The following SORCS3 variants were observed in gnomAD, a reference collection of about 807,000 sequenced individuals.
SORCS3 encodes sortilin related VPS10 domain containing receptor 3, also known as VPS10 domain-containing receptor SorCS3.
Under a neutral mutation model 146.3 loss-of-function variants are expected in SORCS3, and 57 were observed. That is an observed-to-expected ratio of 0.39 (90% CI 0.31 to 0.49). The LOEUF is 0.49. Ranked by LOEUF, SORCS3 falls within the 20% of genes least tolerant of loss-of-function variation. SORCS3 has a pLI of 0.92. For missense variants in SORCS3, 1,341 were observed against 1,575.5 expected (o/e 0.85, Z 2.52); for synonymous variants, 653 against 618.5 (o/e 1.06, Z -0.83).
chr10:104,859,295 C>T (rs1191281407), intron 2 of SORCS3, among the ~76,000 whole-genome samples: 4 of 152,038 alleles, frequency 2.6e-5, no homozygotes, highest in Non-Finnish European at 5.9e-5. Context: ...TTTGACAAAC[C>T]TGAGAAAAAC....
At chr10:105,242,556 A>G (rs2056835853) in intron 20 of SORCS3, among the ~76,000 whole-genome samples, 1 of 83,378 alleles carries the variant, frequency 1.2e-5, no homozygotes, top group African/African-American at 5.3e-5. Flanking sequence ...ATATTTATAT[A>G]CATTTATATA....
intron 4 of SORCS3, among the ~76,000 whole-genome samples, chr10:104,982,244 G>A (rs1338400535): frequency 1.3e-5 from 2 of 151,564 alleles, no homozygotes; most frequent in African/African-American, 2.4e-5. Flanking sequence ...AACTGGGGCA[G>A]GTGCTGGAGT....
intron 2 of SORCS3, among the ~76,000 whole-genome samples, chr10:104,904,470 T>A (rs2018882761): frequency 6.6e-6 from 1 of 151,508 alleles, no homozygotes; most frequent in African/African-American, 2.4e-5. Context: ...ATACAAATAT[T>A]TATGTCTGAC....
At chr10:105,004,647 G>A (rs1035457980) in intron 4 of SORCS3, among the ~76,000 whole-genome samples, 1 of 152,128 alleles carries the variant, frequency 6.6e-6, no homozygotes, top group African/African-American at 2.4e-5. Context: ...AAAACGCAAG[G>A]AAGCCAGGTG....
chr10:104,841,407 A>G (rs1486107863), intron 1 of SORCS3, among the ~76,000 whole-genome samples: 4 of 152,186 alleles, frequency 2.6e-5, no homozygotes, highest in African/African-American at 9.6e-5. Flanking sequence ...GGTAAATTCT[A>G]CTATTCTACA....
intron 1 of SORCS3, among the ~76,000 whole-genome samples, chr10:104,776,761 C>A (rs1284790999): frequency 1.3e-5 from 2 of 151,394 alleles, no homozygotes; most frequent in Non-Finnish European, 1.5e-5. Flanking sequence ...TCATCCTTCT[C>A]CAAGAACCTG....
At chr10:105,166,661 G>A (rs531391886) in intron 12 of SORCS3, among the ~76,000 whole-genome samples, 8 of 152,160 alleles carry the variant, frequency 5.3e-5, no homozygotes, top group South Asian at 4.2e-4. Context: ...AATGAATAAC[G>A]TTAGGTCCCT....
At chr10:104,953,443 G>T (rs1365530336) in intron 3 of SORCS3, among the ~76,000 whole-genome samples, 1 of 152,162 alleles carries the variant, frequency 6.6e-6, no homozygotes, top group Non-Finnish European at 1.5e-5. Flanking sequence ...TGGAGTGCTT[G>T]TTAAAAGGTA....
chr10:105,225,194 C>G (rs931063923), intron 20 of SORCS3, among the ~76,000 whole-genome samples: 1 of 151,906 alleles, frequency 6.6e-6, no homozygotes, highest in African/African-American at 2.4e-5. Context: ...ATGTTGTCTT[C>G]TAGGAGTTTT....
chr10:104,914,093 T>G (rs1004224243), intron 2 of SORCS3, among the ~76,000 whole-genome samples: 2 of 152,164 alleles, frequency 1.3e-5, no homozygotes, highest in African/African-American at 4.8e-5. Context: ...ATAAGGAACC[T>G]GAGGCTCCAG....
chr10:105,133,319 C>A (rs2056035223), intron 7 of SORCS3, among the ~76,000 whole-genome samples: 1 of 152,122 alleles, frequency 6.6e-6, no homozygotes, highest in Non-Finnish European at 1.5e-5. Flanking sequence ...AGATTAATTC[C>A]AACAATCTGT....
At chr10:104,725,396 GC>G (rs2016613974) in intron 1 of SORCS3, among the ~76,000 whole-genome samples, 1 of 152,214 alleles carries the variant, frequency 6.6e-6, no homozygotes, top group South Asian at 2.1e-4. Flanking sequence ...ACTGGGGGTT[GC>G]CTCCCAGTTA....
intron 1 of SORCS3, among the ~76,000 whole-genome samples, chr10:104,800,680 T>C (rs1265207299): frequency 1.3e-5 from 2 of 152,170 alleles, no homozygotes; most frequent in Non-Finnish European, 2.9e-5. Flanking sequence ...AAAATAGTAA[T>C]AAAAATTCAG....
chr10:104,641,780 C>A lies in SORCS3; in HGVS notation c.453C>A (p.Ala151=). ...ERGDAWATAP[A]DGSRGSRPLA... Reference sequence around the variant, plus strand: ...GGGACGCCTGGGCCACTGCTCCGGCCGATGGTTCCAGAGGAAGCCGTCCCC... The same window carrying A: ...GGGACGCCTGGGCCACTGCTCCGGCAGATGGTTCCAGAGGAAGCCGTCCCC... Residue 151 remains alanine (A), a synonymous_variant, in exon 1 of 27, where the codon GCC becomes GCA. Coordinates refer to ENST00000369701, the MANE Select transcript of SORCS3 (RefSeq NM_014978.3). This position sits in a 1 kb window ranked among gnomAD's most constrained non-coding sequence, Gnocchi z 6.4. 2 of 1,548,282 alleles carry A rather than the reference C, an allele frequency of 1.3e-6. No homozygotes were observed. The highest frequency in any genetic ancestry group is 2.5e-5 in the East Asian group (1 of 40,794).
At chr10:104,715,770 G>C (rs781394771) in intron 1 of SORCS3, among the ~76,000 whole-genome samples, 1 of 152,098 alleles carries the variant, frequency 6.6e-6, no homozygotes, top group Non-Finnish European at 1.5e-5. Context: ...GTAAAACCCT[G>C]GTGTAGTCAC....
chr10:105,054,512 A>T (rs2055433480), intron 5 of SORCS3, among the ~76,000 whole-genome samples: 1 of 151,922 alleles, frequency 6.6e-6, no homozygotes, highest in Non-Finnish European at 1.5e-5. Context: ...CAATTTAATC[A>T]TTTTAATAAC....
At chr10:105,026,196 C>A (rs2055229479) in intron 4 of SORCS3, among the ~76,000 whole-genome samples, 1 of 152,098 alleles carries the variant, frequency 6.6e-6, no homozygotes, top group Admixed American at 6.6e-5. Flanking sequence ...ATTGGTGTTA[C>A]CTCCAGAATA....
At chr10:105,189,780 G>A (rs2056504879) in intron 14 of SORCS3, among the ~76,000 whole-genome samples, 1 of 152,126 alleles carries the variant, frequency 6.6e-6, no homozygotes, top group African/African-American at 2.4e-5. Context: ...TTGGTCAGAA[G>A]CTCATCCATA....
intron 7 of SORCS3, among the ~76,000 whole-genome samples, chr10:105,120,231 C>A (rs2133764547): frequency 6.6e-6 from 1 of 152,220 alleles, no homozygotes; most frequent in East Asian, 1.9e-4. Flanking sequence ...AGGTGCTGTT[C>A]CTCCCCTTCA....
Sources: gnomAD v4.1 joint callset for allele counts (sites outside exome capture counted in the v4.1 genomes callset) on GRCh38, gnomAD v4.1.1 for gene constraint, Gnocchi (gnomAD v3.1) non-coding constraint, MANE v1.5 for transcripts, NCBI Gene and HGNC (gene_info 2026-07-23, HGNC 2026-07-21) for gene names.